The following GRIN2B variants were observed in gnomAD, a reference collection of about 807,000 sequenced individuals.
GRIN2B encodes the protein glutamate receptor ionotropic, NMDA 2B.
A neutral mutation model predicts 114.5 loss-of-function variants in GRIN2B; 5 were observed. The ratio of observed to expected loss-of-function variants is 0.04; its 90% CI spans 0.02 to 0.09. The LOEUF is 0.09. Ranked by LOEUF, GRIN2B falls within the 10% of genes least tolerant of loss-of-function variation. The probability of loss-of-function intolerance (pLI) is 1.00; values close to 1 mark genes in which losing one functional copy is unlikely to be tolerated. For synonymous variants in GRIN2B, 787 were observed against 745.1 expected (o/e 1.06, Z -0.92); for missense variants, 1,108 against 1,943.5 (o/e 0.57, Z 8.08).
chr12:13,591,948 A>C (rs2136441892), intron 10 of GRIN2B, among the ~76,000 whole-genome samples: 1 of 152,290 alleles, frequency 6.6e-6, no homozygotes, highest in South Asian at 2.1e-4. Context: ...AGAGAGCAGA[A>C]CTTTTGTGTT....
At chr12:13,690,935 TCTTA>T (rs1403952143) in intron 4 of GRIN2B, among the ~76,000 whole-genome samples, 3 of 152,180 alleles carry the variant, frequency 2.0e-5, no homozygotes, top group African/African-American at 4.8e-5. Flanking sequence ...ATCAAATTCA[TCTTA>T]CTTATAACAT....
rs1234669161 is a variant in GRIN2B, at chr12:13,553,352, C to A, written c.*9431G>T. 1 of 152,128 alleles carries A rather than the reference C, an allele frequency of 6.6e-6. No individual in the cohort carries two copies. Among genetic ancestry groups the A allele is most frequent in the Non-Finnish European group, 1.5e-5 (1 of 68,024 alleles). 9.4% of individuals were successfully genotyped at this position (152,128 alleles called of 1,614,324 possible). On this transcript the variant is annotated 3_prime_UTR_variant, in exon 14 of 14. Transcript: ENST00000609686. ...TTTAGAGACTAGCATTCTCTCTGAG[C>A]CAGCTCATTCAAATCCTAACTTACT...
intron 8 of GRIN2B, among the ~76,000 whole-genome samples, chr12:13,612,504 T>A (rs777502983): frequency 1.3e-5 from 2 of 152,214 alleles, no homozygotes; most frequent in Non-Finnish European, 2.9e-5. Flanking sequence ...AATATTATTA[T>A]CTGCAACAGT....
intron 2 of GRIN2B, among the ~76,000 whole-genome samples, chr12:13,972,811 C>G (rs1265589706): frequency 1.3e-5 from 2 of 152,228 alleles, no homozygotes. Flanking sequence ...AGACCACATG[C>G]ATTATTGTCC....
chr12:13,889,214 T>C (rs1202305318), intron 2 of GRIN2B, among the ~76,000 whole-genome samples: 1 of 152,170 alleles, frequency 6.6e-6, no homozygotes, highest in Non-Finnish European at 1.5e-5. Flanking sequence ...CACTAGGCAA[T>C]AGGAATTTCT....
intron 10 of GRIN2B, among the ~76,000 whole-genome samples, chr12:13,603,879 T>A (rs1484535281): frequency 3.3e-5 from 5 of 151,824 alleles, no homozygotes; most frequent in Non-Finnish European, 7.4e-5. Flanking sequence ...ATGTATAACT[T>A]TGGGGAAGTT....
intron 5 of GRIN2B, among the ~76,000 whole-genome samples, chr12:13,640,958 G>A (rs1432026141): frequency 2.0e-5 from 3 of 152,118 alleles, no homozygotes; most frequent in Non-Finnish European, 4.4e-5. Context: ...TCTGTTGTGA[G>A]AAGAACCATT....
In GRIN2B at chr12:13,615,035, G is replaced by T; in HGVS notation, c.1654+79C>A. 7.8e-7 allele frequency: 1 copy of T among 1,278,954 alleles called. No individual in the cohort carries two copies. Among genetic ancestry groups the T allele is most frequent in the Non-Finnish European group, 1.1e-6 (1 of 874,822 alleles). The allele number at this position is 1,278,954 out of a possible 1,614,324, so 79.2% of individuals were successfully genotyped here. ...AACCACCTTCTAGCTGGAACAGCCT[G>T]GCCATGTGCTCCTTTTTTCCTTATT... On this transcript the variant is annotated intron_variant, in intron 8 of 13. Coordinates refer to ENST00000609686, the MANE Select transcript of GRIN2B (RefSeq NM_000834.5). This position sits in a 1 kb window ranked among gnomAD's most constrained non-coding sequence, Gnocchi z 5.8.
chr12:13,873,063 C>T (rs1865936627), intron 2 of GRIN2B, among the ~76,000 whole-genome samples: 1 of 152,100 alleles, frequency 6.6e-6, no homozygotes, highest in South Asian at 2.1e-4. Flanking sequence ...TTATCTGAAC[C>T]TATAATGAAA....
At chr12:13,856,034 C>T (rs1401950043) in intron 3 of GRIN2B, among the ~76,000 whole-genome samples, 2 of 152,096 alleles carry the variant, frequency 1.3e-5, no homozygotes, top group Admixed American at 6.6e-5. Flanking sequence ...AATAAAAGCA[C>T]GAAGAGGGCA....
At chr12:13,968,847 T>C (rs900126160) in intron 2 of GRIN2B, among the ~76,000 whole-genome samples, 6 of 152,222 alleles carry the variant, frequency 3.9e-5, no homozygotes, top group African/African-American at 1.4e-4. Flanking sequence ...TGCCATTCTC[T>C]TGCACTTAAC....
intron 4 of GRIN2B, among the ~76,000 whole-genome samples, chr12:13,752,650 G>A (rs1863503166): frequency 6.6e-6 from 1 of 152,188 alleles, no homozygotes; most frequent in African/African-American, 2.4e-5. Context: ...GGTTATGCAA[G>A]ATGAGGGCTT....
chr12:13,891,606 A>C (rs1426529550), intron 2 of GRIN2B, among the ~76,000 whole-genome samples: 2 of 127,124 alleles, frequency 1.6e-5, no homozygotes, highest in African/African-American at 2.9e-5. Flanking sequence ...AAATGTGGCC[A>C]CACAACCTTT....
rs116733800 is a variant in GRIN2B at position 13,576,099 on chromosome 12, C to G, written c.2011-4135G>C. Among the ~76,000 whole-genome samples the G allele has an allele frequency of 7.7e-3, 1,167 of 152,250 alleles. 16 individuals carry two copies. Among genetic ancestry groups the G allele is most frequent in the African/African-American group, 0.026 (1,074 of 41,546 alleles). On this transcript the variant is annotated intron_variant, in intron 10 of 13. Coordinates refer to ENST00000609686, the MANE Select transcript of GRIN2B (RefSeq NM_000834.5). Reference sequence around the variant, plus strand: ...GAATTAGCCAAAGCAGTGAGTTTGCCTTTTCTTTTGAAAATTCTTGTCCCA... The same window carrying G: ...GAATTAGCCAAAGCAGTGAGTTTGCGTTTTCTTTTGAAAATTCTTGTCCCA...
chr12:13,973,568 G>T (rs560050353), intron 2 of GRIN2B, among the ~76,000 whole-genome samples: 1 of 152,038 alleles, frequency 6.6e-6, no homozygotes, highest in Non-Finnish European at 1.5e-5. Context: ...CCCCTCCACC[G>T]CCTTCTCAGG....
chr12:13,926,568 T>A (rs919326855), intron 2 of GRIN2B, among the ~76,000 whole-genome samples: 2 of 152,164 alleles, frequency 1.3e-5, no homozygotes, highest in Non-Finnish European at 2.9e-5. Flanking sequence ...CTGAGAAGGA[T>A]GTCCAACAAT....
At chr12:13,660,952 T>C (rs2136526643) in intron 5 of GRIN2B, among the ~76,000 whole-genome samples, 1 of 152,316 alleles carries the variant, frequency 6.6e-6, no homozygotes, top group East Asian at 1.9e-4. Context: ...ATCATCAAGC[T>C]TTCTCTCTAC....
intron 2 of GRIN2B, among the ~76,000 whole-genome samples, chr12:13,939,612 T>C (rs1286025706): frequency 1.4e-5 from 2 of 140,264 alleles, no homozygotes; most frequent in African/African-American, 5.3e-5. Context: ...TAGAGTGCAG[T>C]AGTGCAATTT....
chr12:13,559,725 G>C lies in GRIN2B; in HGVS notation c.*3058C>G, dbSNP rs1374029624. 1 of 152,232 alleles carries C rather than the reference G, an allele frequency of 6.6e-6. No individual in the cohort carries two copies. Among genetic ancestry groups the C allele is most frequent in the Admixed American group, 6.5e-5 (1 of 15,282 alleles). 9.4% of individuals were successfully genotyped at this position (152,232 alleles called of 1,614,324 possible). On this transcript the variant is annotated 3_prime_UTR_variant, in exon 14 of 14. Coordinates refer to ENST00000609686, the MANE Select transcript of GRIN2B (RefSeq NM_000834.5). ...GATATCACATGCTTCAAAAAGTAGA[G>C]TTAGTGGAGATTTTTCCACGTGTGT...
Sources: gnomAD v4.1 joint callset for allele counts (sites outside exome capture counted in the v4.1 genomes callset) on GRCh38, gnomAD v4.1.1 for gene constraint, Gnocchi (gnomAD v3.1) non-coding constraint, MANE v1.5 for transcripts, NCBI Gene and HGNC (gene_info 2026-07-23, HGNC 2026-07-21) for gene names.